The following SGIP1 variants were observed in gnomAD, a reference collection of about 807,000 sequenced individuals.
The protein encoded by SGIP1 is SH3GL interacting endocytic adaptor 1.
SGIP1 carries 38 observed loss-of-function variants against 107.5 expected under a neutral mutation model. The observed-to-expected ratio is 0.35, with a 90% CI of 0.27 to 0.46. The LOEUF (loss-of-function observed/expected upper bound fraction) is 0.46, where lower values mean the gene tolerates loss of function less well. SGIP1 is among the 20% of genes least tolerant of loss of function. SGIP1 has a pLI of 1.00. For missense variants in SGIP1, 929 were observed against 1,019.5 expected (o/e 0.91, Z 1.21); for synonymous variants, 365 against 366.1 (o/e 1.00, Z 0.03).
intron 14 of SGIP1, 33 bp downstream of exon 14, chr1:66,679,785 G>GC: frequency 6.4e-7 from 1 of 1,552,262 alleles, no homozygotes; most frequent in Non-Finnish European, 8.7e-7. Flanking sequence ...CTGGGATGAT[G>GC]TGTCAAACAG....
chr1:66,549,365 G>A (rs1367045407), intron 1 of SGIP1, among the ~76,000 whole-genome samples: 1 of 152,170 alleles, frequency 6.6e-6, no homozygotes, highest in Non-Finnish European at 1.5e-5. Context: ...ACATTGTGAA[G>A]CTTACAGTTT....
intron 1 of SGIP1, among the ~76,000 whole-genome samples, chr1:66,592,485 G>T (rs1200493639): frequency 2.0e-4 from 31 of 152,174 alleles, no homozygotes; most frequent in Non-Finnish European, 8.8e-5. Flanking sequence ...AGAACAAAAT[G>T]GAGTTTCTTA....
chr1:66,692,632 G>A (rs1444000034), intron 17 of SGIP1, among the ~76,000 whole-genome samples: 1 of 152,214 alleles, frequency 6.6e-6, no homozygotes, highest in Non-Finnish European at 1.5e-5. Context: ...GTCAAATGGT[G>A]TGAGGGAGGT....
At chr1:66,658,279 T>C (rs1311925626) in intron 7 of SGIP1, among the ~76,000 whole-genome samples, 1 of 152,212 alleles carries the variant, frequency 6.6e-6, no homozygotes, top group Non-Finnish European at 1.5e-5. Flanking sequence ...TAGTTTTTGC[T>C]CTAGGAGAAA....
intron 7 of SGIP1, among the ~76,000 whole-genome samples, chr1:66,648,024 A>C (rs1288805534): frequency 6.6e-6 from 1 of 152,162 alleles, no homozygotes; most frequent in Admixed American, 6.5e-5. Context: ...CAGAGGGAGA[A>C]GTTGAGCTGC....
chr1:66,631,136 AAG>A (rs1383140664), intron 2 of SGIP1, among the ~76,000 whole-genome samples: 1 of 152,072 alleles, frequency 6.6e-6, no homozygotes, highest in Non-Finnish European at 1.5e-5. Context: ...TAGATACAAA[AAG>A]AGAATTGGCT....
chr1:66,554,983 TAGG>T (rs1487842995), intron 1 of SGIP1, among the ~76,000 whole-genome samples: 2 of 152,150 alleles, frequency 1.3e-5, no homozygotes, highest in Non-Finnish European at 2.9e-5. Context: ...CTCAACTGGT[TAGG>T]AGAACATTAA....
intron 7 of SGIP1, among the ~76,000 whole-genome samples, chr1:66,649,153 G>A (rs2078232748): frequency 6.6e-6 from 1 of 152,166 alleles, no homozygotes; most frequent in South Asian, 2.1e-4. Context: ...CTCGAGGCTA[G>A]AATTCTGTTA....
intron 7 of SGIP1, among the ~76,000 whole-genome samples, chr1:66,652,436 C>G (rs1018066439): frequency 3.9e-5 from 6 of 152,088 alleles, no homozygotes; most frequent in African/African-American, 1.4e-4. Flanking sequence ...AGTGCCTTCT[C>G]CCTTCCTCTG....
chr1:66,707,741 G>A (rs1193190474), intron 18 of SGIP1, among the ~76,000 whole-genome samples: 1 of 152,094 alleles, frequency 6.6e-6, no homozygotes. Context: ...AGTTGTCCAG[G>A]GGCATTCACA....
At chr1:66,563,464 G>A (rs763529200) in intron 1 of SGIP1, among the ~76,000 whole-genome samples, 3 of 152,116 alleles carry the variant, frequency 2.0e-5, no homozygotes, top group East Asian at 3.9e-4. Flanking sequence ...CAAGGTGAAG[G>A]GGAAGAAAGA....
At chr1:66,728,948 T>A (rs2093885443) in intron 19 of SGIP1, among the ~76,000 whole-genome samples, 1 of 151,764 alleles carries the variant, frequency 6.6e-6, no homozygotes, top group Non-Finnish European at 1.5e-5. Context: ...AACTAGGGCC[T>A]GCTTGAGGGA....
intron 18 of SGIP1, among the ~76,000 whole-genome samples, chr1:66,712,788 T>C (rs2093001383): frequency 6.6e-6 from 1 of 152,180 alleles, no homozygotes; most frequent in Admixed American, 6.6e-5. Context: ...GCTGTCTACA[T>C]GTGTACATCT....
At chr1:66,733,944 T>C in intron 21 of SGIP1, 64 bp downstream of exon 21, 2 of 1,510,326 alleles carry the variant, frequency 1.3e-6, no homozygotes, top group Middle Eastern at 1.8e-4. Context: ...AAGTACCTAC[T>C]ATTGAATAAA....
At chr1:66,601,709 G>A (rs1040519213) in intron 1 of SGIP1, among the ~76,000 whole-genome samples, 3 of 152,026 alleles carry the variant, frequency 2.0e-5, no homozygotes, top group African/African-American at 7.2e-5. Context: ...CAAAAGTGAA[G>A]TATTTTACAA....
Position 66,749,750 on chromosome 1 carries a change from A to C in SGIP1, c.*6655A>C, listed in dbSNP as rs531386. On this transcript the variant is annotated 3_prime_UTR_variant, in exon 25 of 25. Transcript: ENST00000371037. Reference sequence around the variant, plus strand: ...ATTCAGTTTTACATTACTTTTATGAATTTTTTTTCTCGCAAAGTAAATGCT... The same window carrying C: ...ATTCAGTTTTACATTACTTTTATGACTTTTTTTTCTCGCAAAGTAAATGCT... Among the ~76,000 whole-genome samples, 104,327 of 151,740 alleles carry C rather than the reference A, an allele frequency of 0.69. 36,970 individuals are homozygous for C. The highest frequency in any genetic ancestry group is 0.8 in the African/African-American group (33,058 of 41,416).
At chr1:66,620,347 C>T (rs1004093834) in intron 1 of SGIP1, among the ~76,000 whole-genome samples, 15 of 151,924 alleles carry the variant, frequency 9.9e-5, no homozygotes, top group Admixed American at 9.8e-4. Context: ...TATTCTTGAC[C>T]TGCAATCTAT....
At chr1:66,705,107 A>G (rs965895750) in intron 18 of SGIP1, among the ~76,000 whole-genome samples, 1 of 152,208 alleles carries the variant, frequency 6.6e-6, no homozygotes, top group South Asian at 2.1e-4. Context: ...GTCTTCAACT[A>G]TTCTGCACTG....
Position 66,579,709 on chromosome 1 carries a change from C to T in SGIP1, c.10+45341C>T, listed in dbSNP as rs578011473. Among the ~76,000 whole-genome samples, 3 of 152,278 alleles carry T rather than the reference C, an allele frequency of 2.0e-5. No individual in the cohort carries two copies. In the East Asian group the frequency reaches 5.8e-4, roughly 29 times the overall value. On this transcript the variant is annotated intron_variant, in intron 1 of 24. Transcript: ENST00000371037. ...ATGGAAATAATCTTTGTTCATGCTT[C>T]TTGGATCACCTTTCCTAACTTTATA... is the stretch of plus-strand genomic sequence containing the variant.
Sources: gnomAD v4.1 joint callset for allele counts (sites outside exome capture counted in the v4.1 genomes callset) on GRCh38, gnomAD v4.1.1 for gene constraint, MANE v1.5 for transcripts, NCBI Gene and HGNC (gene_info 2026-07-23, HGNC 2026-07-21) for gene names.